HNRNPL: variants seen among roughly 807,000 people sequenced by gnomAD.
HNRNPL encodes heterogeneous nuclear ribonucleoprotein L, also known as epididymis secretory sperm binding protein.
In HNRNPL, 12 loss-of-function variants were observed where a neutral mutation model predicts 64.0. The observed-to-expected ratio is 0.19, with a 90% CI of 0.12 to 0.30. The LOEUF (loss-of-function observed/expected upper bound fraction) is 0.30. HNRNPL is among the 10% of genes least tolerant of loss of function. The pLI is 1.00. For missense variants in HNRNPL, 484 were observed against 797.4 expected (o/e 0.61, Z 4.73); for synonymous variants, 385 against 313.0 (o/e 1.23, Z -2.43).
At chr19:38,846,201 A>C in intron 2 of HNRNPL, 111 bp from the exon 3 acceptor site, 1 of 825,000 alleles carries the variant, frequency 1.2e-6, no homozygotes, top group Non-Finnish European at 2.1e-6. Flanking sequence ...CTCCTCTGCA[A>C]CCCTATCATG....
chr19:38,841,575 C>T, intron 6 of HNRNPL: 1 of 877,812 alleles, frequency 1.1e-6, no homozygotes, highest in South Asian at 1.4e-5. Context: ...AGTACAATGT[C>T]CATTTGTCAC....
chr19:38,844,105 G>T lies in HNRNPL; in HGVS notation c.711-1C>A, dbSNP rs749309091. ...CTGGGCACTTTGAACTGAGTCAAAT[G>T]TGAGTCAAGTTAAGGAAAGTCCCAT... On this transcript the variant is annotated splice_acceptor_variant, in intron 4 of 12. Coordinates refer to ENST00000221419, the MANE Select transcript of HNRNPL (RefSeq NM_001533.3). LOFTEE classifies it high-confidence loss of function. The T allele has an allele frequency of 6.2e-7, 1 of 1,601,358 alleles. No individual in the cohort carries two copies. The highest frequency in any genetic ancestry group is 8.6e-7 in the Non-Finnish European group (1 of 1,168,332).
chr19:38,843,176 A>T (rs532153309), intron 6 of HNRNPL, among the ~76,000 whole-genome samples: 35 of 152,166 alleles, frequency 2.3e-4, no homozygotes, highest in Middle Eastern at 3.4e-3. Context: ...ACCGAGATGG[A>T]TGGTCTTGTT....
intron 1 of HNRNPL, chr19:38,849,220 A>G (rs73041808): frequency 6.1e-6 from 1 of 163,684 alleles, no homozygotes; most frequent in Non-Finnish European, 1.3e-5. Context: ...CTGTATAGAC[A>G]CAAGGCTGGG....
In HNRNPL at chr19:38,849,761, T is replaced by C; in HGVS notation, c.206A>G (p.Gln69Arg). ...ACCGCCACCGCCGCCGCCTCCGTGC[T>C]GGTCGCCGGCGTTGTCAGTCTTGAG... ...KRLKTDNAGD[Q>R]HGGGGGGGGG... Residue 69 changes from glutamine (Q) to arginine (R), a missense_variant, in exon 1 of 13, where the codon CAG (glutamine) becomes CGG (arginine). By Grantham distance (43) the Gln-to-Arg change is conservative. Coordinates refer to ENST00000221419, the MANE Select transcript of HNRNPL (RefSeq NM_001533.3). 16 of 1,419,966 alleles carry C rather than the reference T, an allele frequency of 1.1e-5. No individual in the cohort carries two copies. Among genetic ancestry groups the C allele is most frequent in the Non-Finnish European group, 1.3e-5 (14 of 1,079,794 alleles). The allele number at this position is 1,419,966 out of a possible 1,614,324, so 88.0% of individuals were successfully genotyped here.
intron 2 of HNRNPL, among the ~76,000 whole-genome samples, chr19:38,846,539 A>G (rs1487098663): frequency 1.3e-5 from 2 of 152,228 alleles, no homozygotes; most frequent in Non-Finnish European, 2.9e-5. Flanking sequence ...TGGGAGGGCT[A>G]GGTGGGCAGA....
intron 2 of HNRNPL, among the ~76,000 whole-genome samples, chr19:38,846,892 C>T (rs1166332385): frequency 1.3e-5 from 2 of 151,952 alleles, no homozygotes; most frequent in Non-Finnish European, 2.9e-5. Context: ...GGCGACAGAG[C>T]AAGAGACTGT....
chr19:38,847,572 C>A (rs1972342399), intron 1 of HNRNPL, 138 bp from the exon 2 acceptor site: 3 of 454,986 alleles, frequency 6.6e-6, no homozygotes, highest in Non-Finnish European at 1.2e-5. Context: ...AGACTAGGGG[C>A]AGCAATTGAA....
chr19:38,849,000 A>C (rs1972401585), intron 1 of HNRNPL, among the ~76,000 whole-genome samples: 1 of 152,194 alleles, frequency 6.6e-6, no homozygotes, highest in African/African-American at 2.4e-5. Context: ...GACTGATTAC[A>C]GGGGGTCGAA....
At chr19:38,849,358 G>C (rs1422668635) in intron 1 of HNRNPL, 1 of 238,160 alleles carries the variant, frequency 4.2e-6, no homozygotes, top group Non-Finnish European at 8.1e-6. Context: ...CTGCGCCTGC[G>C]CATGGAGCCA....
intron 4 of HNRNPL, chr19:38,845,360 A>C: frequency 2.8e-6 from 1 of 352,428 alleles, no homozygotes; most frequent in Non-Finnish European, 5.3e-6. Context: ...AACAAGGGCT[A>C]AACTCCATCT....
chr19:38,848,122 A>G (rs1972363015), intron 1 of HNRNPL, among the ~76,000 whole-genome samples: 3 of 152,026 alleles, frequency 2.0e-5, no homozygotes, highest in Non-Finnish European at 4.4e-5. Context: ...ATGGAGTCTC[A>G]CTCTGTCACC....
chr19:38,846,259 A>T (rs1290430924), intron 2 of HNRNPL, among the ~76,000 whole-genome samples, 169 bp from the exon 3 acceptor site: 2 of 152,166 alleles, frequency 1.3e-5, no homozygotes, highest in African/African-American at 4.8e-5. Context: ...CAAAAGCCAA[A>T]GAGGTCTAGC....
At chr19:38,838,865 C>T (rs1435866889) in intron 9 of HNRNPL, 29 bp downstream of exon 9, 4 of 1,613,706 alleles carry the variant, frequency 2.5e-6, no homozygotes, top group African/African-American at 2.7e-5. Context: ...CCCTGTACCT[C>T]TGCTGCCCTC....
rs113878198 is a variant in HNRNPL at position 38,839,028 on chromosome 19, A to G, written c.1234-13T>C. 6.2e-6 allele frequency: 10 copies of G among 1,613,800 alleles called. No homozygotes were observed. In the South Asian group the frequency reaches 9.9e-5, roughly 16 times the overall value. ...TCATGAATTTCACCTTGGGGAGAGTAGCTGCAGTCAGCACCTCTGTCCAGC... is the reference window on the plus strand; with the variant it reads ...TCATGAATTTCACCTTGGGGAGAGTGGCTGCAGTCAGCACCTCTGTCCAGC... On this transcript the variant is annotated splice_polypyrimidine_tract_variant and intron_variant, in intron 8 of 12. Coordinates refer to ENST00000221419, the MANE Select transcript of HNRNPL (RefSeq NM_001533.3).
chr19:38,846,348 T>C (rs1481883386), intron 2 of HNRNPL, among the ~76,000 whole-genome samples: 1 of 152,194 alleles, frequency 6.6e-6, no homozygotes, highest in Non-Finnish European at 1.5e-5. Flanking sequence ...GACGGCTTCT[T>C]GAGCTTACAC....
At chr19:38,849,345 A>C in intron 1 of HNRNPL, 38 of 198,924 alleles carry the variant, frequency 1.9e-4, no homozygotes, top group Non-Finnish European at 2.9e-4. Flanking sequence ...CCGGGCGGGA[A>C]CACTGCGCCT....
At chr19:38,837,260 T>G in intron 12 of HNRNPL, 124 bp downstream of exon 12, 1 of 737,538 alleles carries the variant, frequency 1.4e-6, no homozygotes, top group East Asian at 2.6e-5. Flanking sequence ...CCCACCTGCC[T>G]GTGTCACCAA....
intron 1 of HNRNPL, among the ~76,000 whole-genome samples, chr19:38,848,024 C>T (rs1972359349): frequency 1.3e-5 from 2 of 152,158 alleles, no homozygotes; most frequent in Non-Finnish European, 2.9e-5. Flanking sequence ...TCTTGAATCG[C>T]CCTCCCACCA....
Sources: allele counts gnomAD v4.1 joint callset (sites outside exome capture counted in the v4.1 genomes callset), GRCh38; gene constraint gnomAD v4.1.1; transcripts MANE v1.5; gene names NCBI Gene and HGNC (gene_info 2026-07-23, HGNC 2026-07-21).